The following AK7 variants were observed in gnomAD, a reference collection of about 807,000 sequenced individuals.
AK7 encodes the protein adenylate kinase 7, also known as ATP-AMP transphosphorylase 7.
In AK7, 78 loss-of-function variants were observed where a neutral mutation model predicts 96.6. The ratio of observed to expected loss-of-function variants is 0.81; its 90% CI spans 0.67 to 0.97. The LOEUF is 0.97. Ranked by LOEUF, AK7 falls within the 50% of genes least tolerant of loss-of-function variation. The probability of loss-of-function intolerance (pLI) is 0.00; values close to 1 mark genes in which losing one functional copy is unlikely to be tolerated. For missense variants in AK7, 855 were observed against 887.9 expected, an observed-to-expected ratio of 0.96 and a Z score of 0.47; for synonymous variants, 302 against 317.2, an observed-to-expected ratio of 0.95 and a Z score of 0.51.
intron 5 of AK7, among the ~76,000 whole-genome samples, chr14:96,422,539 G>C (rs1891764049): frequency 6.6e-6 from 1 of 152,158 alleles, no homozygotes; most frequent in African/African-American, 2.4e-5. Context: ...CTCCCCACAA[G>C]GGTCGCATTC....
chr14:96,441,143 A>G (rs1892934779), intron 6 of AK7, among the ~76,000 whole-genome samples: 1 of 152,182 alleles, frequency 6.6e-6, no homozygotes, highest in Non-Finnish European at 1.5e-5. Context: ...ATTTTTATGT[A>G]AGATAAAATA....
At chr14:96,402,187 A>G (rs1595370126) in intron 2 of AK7, among the ~76,000 whole-genome samples, 3 of 78,454 alleles carry the variant, frequency 3.8e-5, no homozygotes, top group East Asian at 3.1e-4. Flanking sequence ...ACACAGATGC[A>G]CACACACACA....
At chr14:96,470,712 T>C (rs1894835890) in intron 12 of AK7, among the ~76,000 whole-genome samples, 1 of 152,248 alleles carries the variant, frequency 6.6e-6, no homozygotes, top group Non-Finnish European at 1.5e-5. Context: ...GGGTCAAGTT[T>C]GATTGTTAGT....
chr14:96,456,501 G>A (rs1433506651), intron 11 of AK7, 26 bp downstream of exon 11: 2 of 1,606,974 alleles, frequency 1.2e-6, no homozygotes, highest in Non-Finnish European at 1.7e-6. Context: ...ATTTTCCTGG[G>A]CATTTTAATT....
intron 8 of AK7, among the ~76,000 whole-genome samples, chr14:96,447,791 C>T (rs1284603177): frequency 6.6e-6 from 1 of 152,100 alleles, no homozygotes; most frequent in African/African-American, 2.4e-5. Flanking sequence ...TGCCCAGCAT[C>T]AGGAGTCTAG....
chr14:96,478,936 T>G, intron 15 of AK7, among the ~76,000 whole-genome samples: 1 of 148,882 alleles, frequency 6.7e-6, no homozygotes. Flanking sequence ...GGGGATGGAG[T>G]CTCGCTCAGT....
At chr14:96,454,184 A>G (rs910048579) in intron 10 of AK7, among the ~76,000 whole-genome samples, 2 of 152,202 alleles carry the variant, frequency 1.3e-5, no homozygotes, top group African/African-American at 4.8e-5. Flanking sequence ...GATATTAACC[A>G]ACTTGGTGGA....
At chr14:96,456,067 C>T (rs550620718) in intron 10 of AK7, among the ~76,000 whole-genome samples, 16 of 151,932 alleles carry the variant, frequency 1.1e-4, no homozygotes, top group Non-Finnish European at 1.6e-4. Flanking sequence ...GGAGAAAACC[C>T]GTCTCTACAA....
chr14:96,397,994 G>A lies in AK7; in HGVS notation c.106-81G>A. On this transcript the variant is annotated intron_variant, in intron 1 of 17. Coordinates refer to ENST00000267584, the MANE Select transcript of AK7 (RefSeq NM_152327.5). ...GGCACCCAGCAAGCACTCGGGAAAG[G>A]TAAGTTTCTAGAATCATCATTCACT... is the stretch of plus-strand genomic sequence containing the variant. 2.1e-6 allele frequency: 3 copies of A among 1,439,790 alleles called. No individual in the cohort carries two copies. The South Asian group carries it at 3.9e-5, about 19-fold the overall frequency. The allele number at this position is 1,439,790 out of a possible 1,614,324, so 89.2% of individuals were successfully genotyped here.
At chr14:96,416,379 CTG>C (rs1251588065) in intron 4 of AK7, among the ~76,000 whole-genome samples, 1 of 145,528 alleles carries the variant, frequency 6.9e-6, no homozygotes, top group Non-Finnish European at 1.5e-5. Flanking sequence ...GAGTGAGACT[CTG>C]TCTCAAAAAA....
At chr14:96,456,614 C>T in intron 11 of AK7, 139 bp downstream of exon 11, 1 of 954,396 alleles carries the variant, frequency 1.0e-6, no homozygotes, top group Non-Finnish European at 1.5e-6. Flanking sequence ...TCCAAGGTGT[C>T]CTAATCAGTA....
At chr14:96,472,903 G>A (rs936137172) in intron 14 of AK7, 148 bp downstream of exon 14, 29 of 568,124 alleles carry the variant, frequency 5.1e-5, no homozygotes, top group Middle Eastern at 5.2e-4. Context: ...CCAACATGGC[G>A]AAACCCCATC....
chr14:96,475,666 G>T (rs560665340), intron 14 of AK7, among the ~76,000 whole-genome samples: 26 of 152,122 alleles, frequency 1.7e-4, no homozygotes, highest in Non-Finnish European at 3.1e-4. Context: ...AGATCTGTAA[G>T]GCCCCCCTGA....
At chr14:96,447,192 G>A (rs903175127) in intron 8 of AK7, among the ~76,000 whole-genome samples, 1 of 152,168 alleles carries the variant, frequency 6.6e-6, no homozygotes, top group Non-Finnish European at 1.5e-5. Context: ...AGACACACAC[G>A]CAGATGACAC....
At chr14:96,426,783 T>C (rs537822153) in intron 5 of AK7, among the ~76,000 whole-genome samples, 1 of 152,356 alleles carries the variant, frequency 6.6e-6, no homozygotes, top group South Asian at 2.1e-4. Context: ...CTAGATGTAT[T>C]AGAGCTCCAT....
At position 96,471,629 on chromosome 14, in the gene AK7, GA is replaced by G. The variant is rs1894896703; in HGVS notation, c.1486+24del. The stretch of plus-strand genomic sequence containing the variant: ...ATCGTAAGTTTGAGTGTTCTATTTT[GA>G]GTATTTATATTCAGATAAGTTGCAA... On this transcript the variant is annotated intron_variant, in intron 13 of 17. Coordinates refer to ENST00000267584, the MANE Select transcript of AK7 (RefSeq NM_152327.5). 6 of 1,499,496 alleles carry G rather than the reference GA, an allele frequency of 4.0e-6. No individual in the cohort carries two copies. The East Asian group carries it at 1.5e-4, about 37-fold the overall frequency. 92.9% of individuals were successfully genotyped at this position (1,499,496 alleles called of 1,614,324 possible). A position where few individuals can be genotyped will look rare whatever the true frequency, so the allele number is the denominator to read the frequency against.
chr14:96,435,666 A>T (rs774024141), intron 5 of AK7, among the ~76,000 whole-genome samples: 3 of 151,980 alleles, frequency 2.0e-5, no homozygotes, highest in Non-Finnish European at 4.4e-5. Context: ...GGAGACACAG[A>T]GCGCTGTAGC....
At chr14:96,418,587 C>T (rs1461336293) in intron 4 of AK7, among the ~76,000 whole-genome samples, 3 of 152,022 alleles carry the variant, frequency 2.0e-5, no homozygotes, top group Admixed American at 2.0e-4. Context: ...TGTGCAGTCT[C>T]GGCTCACTGC....
intron 12 of AK7, among the ~76,000 whole-genome samples, chr14:96,459,490 A>G (rs1214326237): frequency 1.3e-5 from 2 of 152,196 alleles, no homozygotes; most frequent in Non-Finnish European, 2.9e-5. Context: ...ATTGCCACTG[A>G]TATGATAAGT....
Sources: allele counts gnomAD v4.1 joint callset (sites outside exome capture counted in the v4.1 genomes callset), GRCh38; gene constraint gnomAD v4.1.1; transcripts MANE v1.5; gene names NCBI Gene and HGNC (gene_info 2026-07-23, HGNC 2026-07-21).